TRPV3: variants seen among roughly 807,000 people sequenced by gnomAD.
TRPV3 encodes the protein transient receptor potential cation channel subfamily V member 3, also known as VRL-3.
TRPV3 carries 88 observed loss-of-function variants against 87.1 expected under a neutral mutation model. That is an observed-to-expected ratio of 1.01 (90% CI 0.85 to 1.21). TRPV3 has a LOEUF of 1.21. Among genes scored for constraint, TRPV3 ranks in the 50% most tolerant of loss-of-function variants. The pLI, the probability that TRPV3 is intolerant of heterozygous loss-of-function variation, is 0.00. For synonymous variants in TRPV3, 438 were observed against 423.3 expected (o/e 1.03, Z -0.43); for missense variants, 1,054 against 1,030.1 (o/e 1.02, Z -0.32).
chr17:3,528,184 C>T lies in TRPV3; in HGVS notation c.1402-58G>A. 1 of 1,410,764 alleles carries T rather than the reference C, an allele frequency of 7.1e-7. No homozygotes were observed. The highest frequency in any genetic ancestry group is 9.8e-7 in the Non-Finnish European group (1 of 1,024,856). The allele number at this position is 1,410,764 out of a possible 1,614,324, so 87.4% of individuals were successfully genotyped here. A position where few individuals can be genotyped will look rare whatever the true frequency, so the allele number is the denominator to read the frequency against. ...GAAGCAAGGAGGACAGGGCTGGCAC[C>T]AACTCTAGAGGGACCAAAACCCAGG... On this transcript the variant is annotated intron_variant, in intron 10 of 17. Transcript: ENST00000576742. The surrounding 1 kb of genome is among the most constrained non-coding windows in gnomAD (Gnocchi z 4.2).
rs950189808 is a variant in TRPV3 at position 3,513,805 on chromosome 17, C to G, written c.*112G>C. 5.6e-6 allele frequency: 5 copies of G among 898,172 alleles called. No individual in the cohort carries two copies. The highest frequency in any genetic ancestry group is 8.9e-6 in the Non-Finnish European group (5 of 562,788). The allele number at this position is 898,172 out of a possible 1,614,324, so 55.6% of individuals were successfully genotyped here. On this transcript the variant is annotated 3_prime_UTR_variant, in exon 18 of 18. Transcript: ENST00000576742. ...CTGAGCACGAGGGTGCACTCTGCTT[C>G]TAGGCCAGCAGAGCCGGACTCCACC...
intron 5 of TRPV3, 143 bp downstream of exon 5, chr17:3,543,331 C>T (rs768508385): frequency 4.3e-5 from 47 of 1,080,846 alleles, no homozygotes; most frequent in Non-Finnish European, 5.9e-5. Context: ...CCATTCTCCT[C>T]GGAGTCAAGT....
intron 6 of TRPV3, among the ~76,000 whole-genome samples, chr17:3,542,200 A>G (rs959397185): frequency 1.3e-5 from 2 of 151,568 alleles, no homozygotes; most frequent in Non-Finnish European, 2.9e-5. Context: ...CAGGTGATCC[A>G]CCCGCCTCAG....
intron 1 of TRPV3, 41 bp from the exon 2 acceptor site, chr17:3,554,893 CAG>C (rs2074613134): frequency 1.4e-6 from 2 of 1,446,110 alleles, no homozygotes; most frequent in East Asian, 4.7e-5. Context: ...GCCGGGGGGA[CAG>C]GGGGAGCTTC....
rs745600286 is a variant in TRPV3, at chr17:3,530,215, G to A, written c.1066-12C>T. 5.6e-6 allele frequency: 9 copies of A among 1,606,240 alleles called. No individual in the cohort carries two copies. Among genetic ancestry groups the A allele is most frequent in the Middle Eastern group, 1.7e-4 (1 of 6,048 alleles). Reference sequence around the variant, plus strand: ...ATGTACTTCAGGATCTGGGACAGGAGGAGGAACAACCATCAGCTGCAGAAC... The same window carrying A: ...ATGTACTTCAGGATCTGGGACAGGAAGAGGAACAACCATCAGCTGCAGAAC... On this transcript the variant is annotated splice_polypyrimidine_tract_variant and intron_variant, in intron 8 of 17. Coordinates refer to ENST00000576742, the MANE Select transcript of TRPV3 (RefSeq NM_145068.4). The surrounding 1 kb of genome is among the most constrained non-coding windows in gnomAD (Gnocchi z 4.0).
At chr17:3,524,443 C>T in intron 12 of TRPV3, 80 bp from the exon 13 acceptor site, 1 of 1,549,038 alleles carries the variant, frequency 6.5e-7, no homozygotes, top group Non-Finnish European at 8.8e-7. Context: ...CCCAAACCTC[C>T]CTTAAACCCC....
At chr17:3,522,918 T>C (rs2150783920) in intron 13 of TRPV3, among the ~76,000 whole-genome samples, 1 of 152,130 alleles carries the variant, frequency 6.6e-6, no homozygotes, top group East Asian at 1.9e-4. Context: ...ATTATTTGCA[T>C]AGATGTATAT....
intron 7 of TRPV3, among the ~76,000 whole-genome samples, 194 bp downstream of exon 7, chr17:3,535,379 T>C (rs1479769228): frequency 1.0e-5 from 1 of 97,088 alleles, no homozygotes. Flanking sequence ...CCTGCTTCCT[T>C]CCTCCCTCCT....
At chr17:3,543,355 C>G in intron 5 of TRPV3, 119 bp downstream of exon 5, 1 of 1,335,904 alleles carries the variant, frequency 7.5e-7, no homozygotes, top group South Asian at 1.3e-5. Context: ...AAGTCCCTAG[C>G]CAGAATTCAA....
rs72634009 is a variant in TRPV3 at position 3,518,115 on chromosome 17, G to A, written c.2085+461C>T. 0.25 allele frequency among the ~76,000 whole-genome samples: 38,475 copies of A among 151,856 alleles called. 5,341 individuals carry two copies. Among genetic ancestry groups the A allele is most frequent in the East Asian group, 0.57 (2,950 of 5,146 alleles). On this transcript the variant is annotated intron_variant, in intron 15 of 17. Transcript: ENST00000576742. The surrounding 1 kb of genome is among the most constrained non-coding windows in gnomAD (Gnocchi z 4.3). Reference sequence around the variant, plus strand: ...ATTACAGGGGTGAGCCACCATGCCCGGCCGCCAACCACCATTTCTTAAGAG... The same window carrying A: ...ATTACAGGGGTGAGCCACCATGCCCAGCCGCCAACCACCATTTCTTAAGAG...
chr17:3,546,557 T>G (rs1037382837), intron 2 of TRPV3: 14 of 432,498 alleles, frequency 3.2e-5, no homozygotes, highest in Non-Finnish European at 5.6e-5. Context: ...TGTCCTGTAG[T>G]GTCAATTAGC....
chr17:3,543,388 T>C (rs1567642479), intron 5 of TRPV3, 86 bp downstream of exon 5: 2 of 1,531,402 alleles, frequency 1.3e-6, no homozygotes, highest in Non-Finnish European at 1.8e-6. Flanking sequence ...TCCAGCCTCA[T>C]GGGTTGGTGA....
chr17:3,525,025 G>A (rs1220741484), intron 12 of TRPV3, among the ~76,000 whole-genome samples: 2 of 152,006 alleles, frequency 1.3e-5, no homozygotes, highest in Non-Finnish European at 2.9e-5. Context: ...TTTTTGGGGG[G>A]GTCAGGGGGG....
At position 3,518,747 on chromosome 17, in the gene TRPV3, G is replaced by T; in HGVS notation, c.1914C>A (p.Gly638=). The change falls in exon 15 of 18, where the codon GGC becomes GGA. Residue 638 remains glycine (G), a synonymous_variant. Coordinates refer to ENST00000576742, the MANE Select transcript of TRPV3 (RefSeq NM_145068.4). The surrounding 1 kb of genome is among the most constrained non-coding windows in gnomAD (Gnocchi z 4.3). Reference sequence around the variant, plus strand: ...TCTGCTGGATGTTCAGGTCACCCAGGCCTATGGTGAGCTTGAAGAGTTCCA... The same window carrying T: ...TCTGCTGGATGTTCAGGTCACCCAGTCCTATGGTGAGCTTGAAGAGTTCCA... The part of the protein sequence containing the change: ...AVLELFKLTI[G]LGDLNIQQNS... 6.2e-7 allele frequency: 1 copy of T among 1,613,962 alleles called. No individual in the cohort carries two copies. Among genetic ancestry groups the T allele is most frequent in the Non-Finnish European group, 8.5e-7 (1 of 1,179,922 alleles).
At chr17:3,545,591 G>C (rs1477501290) in intron 2 of TRPV3, among the ~76,000 whole-genome samples, 1 of 152,066 alleles carries the variant, frequency 6.6e-6, no homozygotes, top group Non-Finnish European at 1.5e-5. Context: ...ACAAGCCCCA[G>C]TAGGATCTGT....
chr17:3,533,029 C>A, intron 7 of TRPV3, 92 bp from the exon 8 acceptor site: 1 of 1,443,194 alleles, frequency 6.9e-7, no homozygotes, highest in South Asian at 1.3e-5. Flanking sequence ...CCTATCTCAG[C>A]AGGATGGGCA....
chr17:3,546,742 T>C (rs1316391791), intron 2 of TRPV3: 1 of 451,794 alleles, frequency 2.2e-6, no homozygotes. Context: ...CTCTGGGAGG[T>C]CAAAGTGGGC....
At chr17:3,543,099 C>T (rs912805398) in intron 5 of TRPV3, among the ~76,000 whole-genome samples, 5 of 151,888 alleles carry the variant, frequency 3.3e-5, no homozygotes, top group African/African-American at 7.3e-5. Flanking sequence ...ACCAAGCTAC[C>T]CAAGTCTAAA....
intron 7 of TRPV3, among the ~76,000 whole-genome samples, chr17:3,535,211 C>G (rs1415481018): frequency 1.2e-5 from 1 of 85,964 alleles, no homozygotes; most frequent in Non-Finnish European, 2.8e-5. Context: ...CTCCTTCTCC[C>G]TTCTGTCTCC....
Sources: allele counts gnomAD v4.1 joint callset (sites outside exome capture counted in the v4.1 genomes callset), GRCh38; gene constraint gnomAD v4.1.1; non-coding constraint Gnocchi (gnomAD v3.1); transcripts MANE v1.5; gene names NCBI Gene and HGNC (gene_info 2026-07-23, HGNC 2026-07-21).